The following ZNF564 variants were observed in gnomAD, a reference collection of about 807,000 sequenced individuals.
ZNF564 encodes the protein zinc finger protein 564.
A neutral mutation model predicts 10.5 loss-of-function variants in ZNF564; 5 were observed. That is an observed-to-expected ratio of 0.48 (90% CI 0.25 to 1.00). The LOEUF is 1.00. ZNF564 is among the 50% of genes least tolerant of loss of function. The pLI is 0.16. For synonymous variants in ZNF564, 242 were observed against 218.1 expected (o/e 1.11, Z -0.97); for missense variants, 603 against 669.7 (o/e 0.90, Z 1.10).
chr19:12,528,008 G>C (rs1486437052), intron 3 of ZNF564, 92 bp from the exon 4 acceptor site: 1 of 1,407,210 alleles, frequency 7.1e-7, no homozygotes, highest in Non-Finnish European at 9.6e-7. Flanking sequence ...TCGCGGAAAG[G>C]GTAAGTTTTC....
intron 1 of ZNF564, among the ~76,000 whole-genome samples, chr19:12,540,535 C>T (rs2022021071): frequency 6.6e-6 from 1 of 151,972 alleles, no homozygotes; most frequent in South Asian, 2.1e-4. Flanking sequence ...GTCTGGCCAA[C>T]ATGGTGAAAC....
chr19:12,548,502 A>G (rs2022194773), intron 1 of ZNF564, among the ~76,000 whole-genome samples: 1 of 152,106 alleles, frequency 6.6e-6, no homozygotes, highest in Admixed American at 6.6e-5. Flanking sequence ...GGCGTGAGCC[A>G]CCGTGCCCGG....
intron 2 of ZNF564, 89 bp from the exon 3 acceptor site, chr19:12,528,453 C>T: frequency 6.3e-7 from 1 of 1,575,556 alleles, no homozygotes; most frequent in Non-Finnish European, 8.6e-7. Context: ...GTGCAAACAA[C>T]CCTGATTTAT....
Position 12,527,050 on chromosome 19 carries a change from C to T in ZNF564, c.1058G>A (p.Arg353Gln), listed in dbSNP as rs1568260988. The T allele has an allele frequency of 6.2e-6, 10 of 1,613,648 alleles. No individual in the cohort carries two copies. The highest frequency in any genetic ancestry group is 7.6e-6 in the Non-Finnish European group (9 of 1,179,890). Residue 353 changes from arginine to glutamine, a missense_variant, in exon 4 of 4, where the codon CGA (arginine) becomes CAA (glutamine). Transcript: ENST00000339282. ...GKTFSSSSNV[R>Q]THERTHTGEK... is the part of the protein sequence containing the mutation. ...TCCAGTGTGAGTCCTTTCATGTGTT[C>T]GAACATTACTGGAAGAACTGAAGGT...
intron 1 of ZNF564, among the ~76,000 whole-genome samples, chr19:12,529,345 C>T (rs1329308249): frequency 6.6e-6 from 1 of 152,108 alleles, no homozygotes; most frequent in African/African-American, 2.4e-5. Context: ...GTGGCTCACA[C>T]CTGTAATCCC....
At position 12,526,348 on chromosome 19, in the gene ZNF564, G is replaced by A. The variant is rs1202231583; in HGVS notation, c.*98C>T. The A allele has an allele frequency of 1.6e-6, 2 of 1,245,064 alleles. No individual in the cohort carries two copies. Among genetic ancestry groups the A allele is most frequent in the Non-Finnish European group, 2.2e-6 (2 of 899,726 alleles). The allele number at this position is 1,245,064 out of a possible 1,614,324, so 77.1% of individuals were successfully genotyped here. Reference sequence around the variant, plus strand: ...CCTATTCCAAAAGTGAGAAACAGGAGAAAGGGGTGAGCTCCCAAACAAGTC... The same window carrying A: ...CCTATTCCAAAAGTGAGAAACAGGAAAAAGGGGTGAGCTCCCAAACAAGTC... On this transcript the variant is annotated 3_prime_UTR_variant, in exon 4 of 4. Coordinates refer to ENST00000339282, the MANE Select transcript of ZNF564 (RefSeq NM_144976.4).
At chr19:12,537,505 G>A (rs564513934) in intron 1 of ZNF564, among the ~76,000 whole-genome samples, 2 of 151,998 alleles carry the variant, frequency 1.3e-5, no homozygotes, top group South Asian at 2.1e-4. Flanking sequence ...TTGGGAGGTC[G>A]AGGGGGGCGG....
chr19:12,535,107 C>G (rs2021884098), intron 1 of ZNF564, among the ~76,000 whole-genome samples: 1 of 152,050 alleles, frequency 6.6e-6, no homozygotes, highest in African/African-American at 2.4e-5. Flanking sequence ...GGTGTGGTGG[C>G]TCACACCTGT....
At chr19:12,538,654 A>T (rs1488169556) in intron 1 of ZNF564, among the ~76,000 whole-genome samples, 1 of 151,972 alleles carries the variant, frequency 6.6e-6, no homozygotes, top group East Asian at 1.9e-4. Flanking sequence ...AAATAAAAAA[A>T]TTTTAACTAG....
intron 1 of ZNF564, among the ~76,000 whole-genome samples, chr19:12,540,253 G>A (rs1376487768): frequency 2.6e-5 from 4 of 152,166 alleles, no homozygotes; most frequent in African/African-American, 7.2e-5. Context: ...TCGTGGCCTG[G>A]CTGTCATGAG....
chr19:12,545,688 T>C (rs376146721), intron 1 of ZNF564, among the ~76,000 whole-genome samples: 1 of 152,088 alleles, frequency 6.6e-6, no homozygotes, highest in East Asian at 1.9e-4. Flanking sequence ...TACTTAAGTA[T>C]AACTCAGGAA....
intron 1 of ZNF564, among the ~76,000 whole-genome samples, chr19:12,540,759 C>T (rs551772202): frequency 0.022 from 3,331 of 151,804 alleles, 118 homozygotes; most frequent in African/African-American, 0.077. Flanking sequence ...GAGGCTGAGG[C>T]AGAAGAATGG....
chr19:12,528,230 T>A, intron 3 of ZNF564, 74 bp downstream of exon 3: 1 of 1,382,700 alleles, frequency 7.2e-7, no homozygotes, highest in Non-Finnish European at 1.0e-6. Context: ...GGCTTACTGG[T>A]TTGTTTACTT....
chr19:12,547,330 T>G (rs1404384810), intron 1 of ZNF564, among the ~76,000 whole-genome samples: 1 of 152,130 alleles, frequency 6.6e-6, no homozygotes, highest in East Asian at 1.9e-4. Flanking sequence ...GCTGGGATTA[T>G]AGATGTAAGC....
intron 1 of ZNF564, among the ~76,000 whole-genome samples, chr19:12,529,597 C>T (rs1319863566): frequency 9.1e-6 from 1 of 110,402 alleles, no homozygotes; most frequent in Non-Finnish European, 2.0e-5. Flanking sequence ...CAGAGAGAGA[C>T]TAAGTCTCAA....
chr19:12,543,861 G>A (rs2022105384), intron 1 of ZNF564, among the ~76,000 whole-genome samples: 1 of 151,996 alleles, frequency 6.6e-6, no homozygotes, highest in South Asian at 2.1e-4. Flanking sequence ...GGAGGTAATC[G>A]GGGTTAGAGA....
intron 1 of ZNF564, among the ~76,000 whole-genome samples, chr19:12,533,287 T>C (rs1212059689): frequency 6.6e-6 from 1 of 152,084 alleles, no homozygotes; most frequent in Admixed American, 6.6e-5. Context: ...GTCTGAGAAA[T>C]CAAAAATAAT....
chr19:12,549,087 C>T (rs73002320), intron 1 of ZNF564, among the ~76,000 whole-genome samples: 2 of 151,966 alleles, frequency 1.3e-5, no homozygotes, highest in African/African-American at 2.4e-5. Flanking sequence ...GAGGAAACTA[C>T]ACAAATAAGA....
intron 1 of ZNF564, among the ~76,000 whole-genome samples, chr19:12,545,320 C>G (rs1415578518): frequency 6.6e-6 from 1 of 151,468 alleles, no homozygotes; most frequent in Non-Finnish European, 1.5e-5. Flanking sequence ...GCTCCACGCA[C>G]CCTACTCTCC....
Sources: gnomAD v4.1 joint callset for allele counts (sites outside exome capture counted in the v4.1 genomes callset) on GRCh38, gnomAD v4.1.1 for gene constraint, MANE v1.5 for transcripts, NCBI Gene and HGNC (gene_info 2026-07-23, HGNC 2026-07-21) for gene names.